The following BBS1 variants were observed in gnomAD, a reference collection of about 807,000 sequenced individuals.
BBS1 encodes the protein Bardet-Biedl syndrome 1.
In BBS1, 60 loss-of-function variants were observed where a neutral mutation model predicts 73.9. The ratio of observed to expected loss-of-function variants is 0.81; its 90% confidence interval spans 0.66 to 1.01. The LOEUF is 1.01. Ranked by LOEUF, BBS1 falls within the 50% of genes least tolerant of loss-of-function variation. The pLI is 0.00. For synonymous variants in BBS1, 283 were observed against 317.4 expected, an observed-to-expected ratio of 0.89 and a Z score of 1.15; for missense variants, 718 against 770.3, an observed-to-expected ratio of 0.93 and a Z score of 0.80.
At chr11:66,515,615 C>T (rs370793686) in intron 5 of BBS1, 29 bp downstream of exon 5, 6 of 1,614,154 alleles carry the variant, frequency 3.7e-6, no homozygotes, top group South Asian at 1.1e-5. Context: ...CTTCATACCC[C>T]CCTCACTCCT....
intron 7 of BBS1, among the ~76,000 whole-genome samples, chr11:66,517,246 C>T (rs1856070773): frequency 6.6e-6 from 1 of 151,454 alleles, no homozygotes; most frequent in Admixed American, 6.6e-5. Flanking sequence ...CATTTTGCTT[C>T]TGCTAATTTC....
chr11:66,522,183 C>G (rs1856266886), intron 9 of BBS1, among the ~76,000 whole-genome samples: 1 of 151,118 alleles, frequency 6.6e-6, no homozygotes, highest in Admixed American at 6.6e-5. Context: ...CGCCACTGCC[C>G]TCCAGCCTGG....
At chr11:66,526,846 C>T in intron 13 of BBS1, 39 bp downstream of exon 13, 1 of 1,614,186 alleles carries the variant, frequency 6.2e-7, no homozygotes, top group Non-Finnish European at 8.5e-7. Flanking sequence ...CTTCCTCCTC[C>T]ACTGCTCCTA....
At chr11:66,519,466 TA>T in intron 7 of BBS1, 150 bp from the exon 8 acceptor site, 1 of 1,101,242 alleles carries the variant, frequency 9.1e-7, no homozygotes, top group African/African-American at 1.6e-5. Context: ...TTTGTTGCAA[TA>T]AACACCTTTG....
At chr11:66,515,426 G>T (rs992444502) in intron 4 of BBS1, 114 bp from the exon 5 acceptor site, 15 of 1,126,134 alleles carry the variant, frequency 1.3e-5, no homozygotes, top group Non-Finnish European at 2.0e-5. Flanking sequence ...AGGTAGGCTG[G>T]CAGGGAGGCA....
intron 2 of BBS1, 56 bp downstream of exon 2, chr11:66,511,145 G>T: frequency 1.9e-6 from 3 of 1,613,804 alleles, no homozygotes; most frequent in Non-Finnish European, 2.5e-6. Flanking sequence ...GTCAGACAAT[G>T]GTCCTGTAGT....
At chr11:66,527,115 G>A (rs775817485) in intron 13 of BBS1, 18 of 1,175,588 alleles carry the variant, frequency 1.5e-5, no homozygotes, top group East Asian at 2.6e-5. Flanking sequence ...GGTGGCTCAC[G>A]CCTGTAATCC....
chr11:66,513,887 T>C (rs1474723878), intron 3 of BBS1, among the ~76,000 whole-genome samples: 1 of 152,128 alleles, frequency 6.6e-6, no homozygotes, highest in Non-Finnish European at 1.5e-5. Flanking sequence ...AATGGGCTTG[T>C]GTGGCAGCTC....
chr11:66,526,656 C>T lies in BBS1; in HGVS notation c.1188C>T (p.Gly396=), dbSNP rs1856512263. The T allele has an allele frequency of 1.2e-5, 19 of 1,614,078 alleles. No homozygotes were observed. The highest frequency in any genetic ancestry group is 1.6e-5 in the Non-Finnish European group (19 of 1,180,038). The change falls in exon 13 of 17, where the codon GGC becomes GGT. Residue 396 remains glycine (G), a synonymous_variant. Coordinates refer to ENST00000318312, the MANE Select transcript of BBS1 (RefSeq NM_024649.5). ...NTLIMTTRGG[G]LIIKILKRTA... ...CACTGTCCACTTCCCTAGGTGGTGGCCTGATCATCAAGATCCTGAAGCGTA... is the reference window on the plus strand; with the variant it reads ...CACTGTCCACTTCCCTAGGTGGTGGTCTGATCATCAAGATCCTGAAGCGTA...
chr11:66,526,829 T>A, intron 13 of BBS1, 22 bp downstream of exon 13: 1 of 1,614,164 alleles, frequency 6.2e-7, no homozygotes, highest in South Asian at 1.1e-5. Context: ...ACTGGGTCCT[T>A]TCCCTTCTTC....
At chr11:66,530,196 G>C (rs749317417) in intron 14 of BBS1, among the ~76,000 whole-genome samples, 6 of 152,090 alleles carry the variant, frequency 3.9e-5, no homozygotes, top group Non-Finnish European at 7.4e-5. Flanking sequence ...ACACTCTCCA[G>C]CTCAGATAGG....
intron 9 of BBS1, 162 bp downstream of exon 9, chr11:66,521,538 C>T: frequency 1.5e-6 from 1 of 686,396 alleles, no homozygotes; most frequent in Non-Finnish European, 2.6e-6. Context: ...GGGGAGGATA[C>T]CTGGAGGCTT....
Position 66,526,206 on chromosome 11 carries a change from G to T in BBS1, c.1180+14G>T. 1 of 1,613,568 alleles carries T rather than the reference G, an allele frequency of 6.2e-7. No homozygotes were observed. The highest frequency in any genetic ancestry group is 8.5e-7 in the Non-Finnish European group (1 of 1,179,498). On this transcript the variant is annotated intron_variant, in intron 12 of 16. Coordinates refer to ENST00000318312, the MANE Select transcript of BBS1 (RefSeq NM_024649.5). The stretch of plus-strand genomic sequence containing the variant: ...TGACCACTCGAGGTGAGTGGAGTCA[G>T]ACCTGGCAAGGGCTTTGAAGTCGGG...
At chr11:66,529,416 A>C (rs778850754) in intron 13 of BBS1, 2 of 1,032,206 alleles carry the variant, frequency 1.9e-6, no homozygotes, top group Non-Finnish European at 2.9e-6. Flanking sequence ...CTGGAGACAC[A>C]TGCACAATAT....
chr11:66,521,319 ATGT>A lies in BBS1; in HGVS notation c.776_778del (p.Val259del). On this transcript the variant is annotated inframe_deletion, in exon 9 of 17. Coordinates refer to ENST00000318312, the MANE Select transcript of BBS1 (RefSeq NM_024649.5). ...TTCCTAGAGGTTTCTGGCCAGTTTG[ATGT>A]TGAGTTCCGGCTTGCCGCGGCCTGC... The A allele has an allele frequency of 6.2e-7, 1 of 1,614,220 alleles. No individual in the cohort carries two copies. The highest frequency in any genetic ancestry group is 1.1e-5 in the South Asian group (1 of 91,084).
In BBS1 at chr11:66,515,620, A is replaced by G. The variant is rs769507720; in HGVS notation, c.479+34A>G. 3 of 1,613,154 alleles carry G rather than the reference A, an allele frequency of 1.9e-6. No homozygotes were observed. In the Admixed American group the frequency reaches 5.0e-5, roughly 27 times the overall value. On this transcript the variant is annotated intron_variant, in intron 5 of 16. Transcript: ENST00000318312. ...CTGCCTTCCCCTTCATACCCCCCTC[A>G]CTCCTTCATCCCATCTGAGCCCCAG...
At chr11:66,523,676 C>T (rs1455393709) in intron 10 of BBS1, 48 bp from the exon 11 acceptor site, 1 of 1,609,942 alleles carries the variant, frequency 6.2e-7, no homozygotes, top group African/African-American at 1.3e-5. Flanking sequence ...ACCGTTCTTT[C>T]CACTGTAAGC....
Position 66,511,101 on chromosome 11 carries a change from G to A in BBS1, c.124+12G>A. ...TTCTGCCTGCCTAGGTGAGTCTCTG[G>A]AACCAGGAACCCTGGGTTCTAGTGG... On this transcript the variant is annotated intron_variant, in intron 2 of 16. Coordinates refer to ENST00000318312, the MANE Select transcript of BBS1 (RefSeq NM_024649.5). 6.2e-7 allele frequency: 1 copy of A among 1,613,974 alleles called. No individual in the cohort carries two copies. The highest frequency in any genetic ancestry group is 8.5e-7 in the Non-Finnish European group (1 of 1,179,994).
chr11:66,531,894 GACC>G (rs1856799460), intron 16 of BBS1, 54 bp from the exon 17 acceptor site: 1 of 1,574,650 alleles, frequency 6.4e-7, no homozygotes, highest in East Asian at 2.4e-5. Flanking sequence ...GGCCAGCGCA[GACC>G]AGGCAAGGGG....
Sources: allele counts gnomAD v4.1 joint callset (sites outside exome capture counted in the v4.1 genomes callset), GRCh38; gene constraint gnomAD v4.1.1; transcripts MANE v1.5; gene names NCBI Gene and HGNC (gene_info 2026-07-23, HGNC 2026-07-21).